The following SSC5D variants were observed in gnomAD, a reference collection of about 807,000 sequenced individuals.
SSC5D encodes the protein soluble scavenger receptor cysteine-rich domain-containing protein SSC5D.
SSC5D carries 106 observed loss-of-function variants against 104.6 expected under a neutral mutation model. That is an observed-to-expected ratio of 1.01 (90% CI 0.87 to 1.19). The LOEUF (loss-of-function observed/expected upper bound fraction) is 1.19. Ranked by LOEUF, SSC5D falls within the 50% of genes most tolerant of loss-of-function variation. SSC5D has a pLI of 0.00. For missense variants in SSC5D, 1,993 were observed against 2,153.8 expected (o/e 0.93, Z 1.48); for synonymous variants, 860 against 883.5 (o/e 0.97, Z 0.47).
intron 12 of SSC5D, among the ~76,000 whole-genome samples, chr19:55,501,766 G>A (rs576998985): frequency 1.3e-5 from 2 of 152,266 alleles, no homozygotes; most frequent in African/African-American, 2.4e-5. Context: ...ACCACGCCCC[G>A]CTTTGGCCCC....
At position 55,503,687 on chromosome 19, in the gene SSC5D, C is replaced by G. The variant is rs113346974; in HGVS notation, c.2785+2486C>G. On this transcript the variant is annotated intron_variant, in intron 12 of 13. Transcript: ENST00000389623. This position sits in a 1 kb window ranked among gnomAD's most constrained non-coding sequence, Gnocchi z 4.0. ...CGTCTTCTCCCTCCCTTCCACTCTC[C>G]CGCCCTGCTCGCCGTCTGGGGCTGC... Among the ~76,000 whole-genome samples, 29 of 152,350 alleles carry G rather than the reference C, an allele frequency of 1.9e-4. No homozygotes were observed. The highest frequency in any genetic ancestry group is 7.0e-4 in the African/African-American group (29 of 41,580).
Position 55,501,217 on chromosome 19 carries a change from G to A in SSC5D, c.2785+16G>A. The A allele has an allele frequency of 6.7e-7, 1 of 1,492,000 alleles. No individual in the cohort carries two copies. Among genetic ancestry groups the A allele is most frequent in the Non-Finnish European group, 8.9e-7 (1 of 1,123,208 alleles). The allele number at this position is 1,492,000 out of a possible 1,614,324, so 92.4% of individuals were successfully genotyped here. A position where few individuals can be genotyped will look rare whatever the true frequency, so the allele number is the denominator to read the frequency against. On this transcript the variant is annotated intron_variant, in intron 12 of 13. Transcript: ENST00000389623. The stretch of plus-strand genomic sequence containing the variant: ...CCGGACACAGGTGAGAGGCCTGATT[G>A]GGGTGGCCATGGAGGGCCTCCATAA...
At chr19:55,513,512 C>T (rs1173748987) in intron 13 of SSC5D, among the ~76,000 whole-genome samples, 4 of 151,850 alleles carry the variant, frequency 2.6e-5, no homozygotes, top group African/African-American at 7.3e-5. Context: ...CCTGGGTGCT[C>T]GAGGCTGTGG....
intron 12 of SSC5D, chr19:55,504,362 T>C (rs1486759837): frequency 7.3e-7 from 1 of 1,371,274 alleles, no homozygotes; most frequent in East Asian, 2.8e-5. Flanking sequence ...TGTGCCACCT[T>C]ATCAATAGGA....
At chr19:55,506,811 A>C (rs1987647028) in intron 12 of SSC5D, among the ~76,000 whole-genome samples, 1 of 152,122 alleles carries the variant, frequency 6.6e-6, no homozygotes. Flanking sequence ...TGTACTAACT[A>C]CTGGGAGGTA....
intron 6 of SSC5D, 39 bp downstream of exon 6, chr19:55,491,119 C>T: frequency 6.6e-7 from 1 of 1,522,442 alleles, no homozygotes; most frequent in Non-Finnish European, 8.8e-7. Context: ...CTGTCTTCCT[C>T]AGACCCCAGC....
At position 55,500,804 on chromosome 19, in the gene SSC5D, G is replaced by A; in HGVS notation, c.2617G>A (p.Gly873Ser). The A allele has an allele frequency of 1.3e-6, 2 of 1,546,416 alleles. No individual in the cohort carries two copies. Among genetic ancestry groups the A allele is most frequent in the Non-Finnish European group, 1.8e-6 (2 of 1,142,850 alleles). Reference sequence around the variant, plus strand: ...GGAAGACGTGGGGCTCACCTGCACTGGTACCAGGGCATGGCGGCGGTGGTG... The same window carrying A: ...GGAAGACGTGGGGCTCACCTGCACTAGTACCAGGGCATGGCGGCGGTGGTG... ...HEEDVGLTCT[G>S]YTDYDDYPPW... The change falls in exon 11 of 14, where the codon GGC becomes AGC. Residue 873 changes from glycine to serine, a missense_variant and splice_region_variant. This residue lies in a region of SSC5D where 423 missense variants were observed against 409.2 expected (regional missense o/e 1.03). Transcript: ENST00000389623. The surrounding 1 kb of genome is among the most constrained non-coding windows in gnomAD (Gnocchi z 4.6).
At position 55,493,638 on chromosome 19, in the gene SSC5D, C is replaced by T. The variant is rs773653667; in HGVS notation, c.939C>T (p.Cys313=). The change falls in exon 7 of 14, where the codon TGC becomes TGT. Residue 313 remains cysteine, a synonymous_variant. Coordinates refer to ENST00000389623, the MANE Select transcript of SSC5D (RefSeq NM_001144950.2). ...GCCTGGCCGATGGCCCCCACGGGTGCGCCGGCCGCCTGGAGGTCTGGCACG... is the reference window on the plus strand; with the variant it reads ...GCCTGGCCGATGGCCCCCACGGGTGTGCCGGCCGCCTGGAGGTCTGGCACG... ...RLRLADGPHG[C]AGRLEVWHGG... 49 of 1,492,736 alleles carry T rather than the reference C, an allele frequency of 3.3e-5. No homozygotes were observed. The highest frequency in any genetic ancestry group is 4.0e-5 in the Non-Finnish European group (45 of 1,130,372). The allele number at this position is 1,492,736 out of a possible 1,614,324, so 92.5% of individuals were successfully genotyped here. A position where few individuals can be genotyped will look rare whatever the true frequency, so the allele number is the denominator to read the frequency against.
rs1353167613 is a variant in SSC5D at position 55,498,163 on chromosome 19, C to T, written c.1671C>T (p.Cys557=). Residue 557 remains cysteine, a synonymous_variant, in exon 9 of 14, where the codon TGC becomes TGT. Coordinates refer to ENST00000389623, the MANE Select transcript of SSC5D (RefSeq NM_001144950.2). ...CTGCTCCCTGGGGAAAGCACAACTG[C>T]GCTCACAATGAGGATGTTGGGGTCA... ...CPAAPWGKHN[C]AHNEDVGVTC... is the part of the protein sequence containing the mutation. The T allele has an allele frequency of 1.4e-5, 21 of 1,551,584 alleles. No individual in the cohort carries two copies. Among genetic ancestry groups the T allele is most frequent in the Admixed American group, 5.9e-5 (3 of 50,974 alleles).
intron 12 of SSC5D, among the ~76,000 whole-genome samples, chr19:55,502,152 C>T (rs568673370): frequency 6.6e-6 from 1 of 152,232 alleles, no homozygotes; most frequent in East Asian, 1.9e-4. Flanking sequence ...TCCTGTCTCA[C>T]TCTCTCAAAG....
rs1599914339 is a variant in SSC5D, at chr19:55,493,627, C to A, written c.928C>A (p.Pro310Thr). The A allele has an allele frequency of 6.7e-7, 1 of 1,488,096 alleles. No homozygotes were observed. 92.2% of individuals were successfully genotyped at this position (1,488,096 alleles called of 1,614,324 possible). ...ACCTCGGCTGCGCCTGGCCGATGGC[C>A]CCCACGGGTGCGCCGGCCGCCTGGA... ...PAPRLRLADG[P>T]HGCAGRLEVW... The change falls in exon 7 of 14, where the codon CCC becomes ACC. Residue 310 changes from proline to threonine, a missense_variant. Pro to Thr is a conservative substitution (Grantham distance 38). This residue lies in a region of SSC5D where 1,101 missense variants were observed against 1,085.0 expected (regional missense o/e 1.01). Transcript: ENST00000389623.
chr19:55,506,394 T>C (rs1987636537), intron 12 of SSC5D, among the ~76,000 whole-genome samples: 1 of 112,624 alleles, frequency 8.9e-6, no homozygotes, highest in East Asian at 2.4e-4. Flanking sequence ...TTTTTTTTTT[T>C]TTTTTTTTTT....
chr19:55,490,861 G>A lies in SSC5D; in HGVS notation c.676G>A (p.Gly226Ser). Residue 226 changes from glycine to serine, a missense_variant, in exon 6 of 14, where the codon GGC becomes AGC. Physicochemically the swap from Gly to Ser is moderately conservative, Grantham distance 56 (BLOSUM62 0). Around this residue, in one of 6 missense-constraint regions of SSC5D, gnomAD observed 1,101 missense variants for 1,085.0 expected, o/e 1.01. Coordinates refer to ENST00000389623, the MANE Select transcript of SSC5D (RefSeq NM_001144950.2). ...GGRWGTVCDDGWDLRDAAVAC... is the reference protein window; with the variant it reads ...GGRWGTVCDDSWDLRDAAVAC... ...GCGCTGGGGCACCGTATGTGACGAT[G>A]GCTGGGACCTGCGCGACGCTGCTGT... is the stretch of plus-strand genomic sequence containing the variant. 1 of 1,547,270 alleles carries A rather than the reference G, an allele frequency of 6.5e-7. No homozygotes were observed. The highest frequency in any genetic ancestry group is 8.7e-7 in the Non-Finnish European group (1 of 1,145,368).
rs1457088506 is a variant in SSC5D, at chr19:55,489,966, C to T, written c.446C>T (p.Pro149Leu). Residue 149 changes from proline to leucine, a missense_variant, in exon 4 of 14, where the codon CCC (proline) becomes CTC (leucine). Transcript: ENST00000389623. ...PWPGLLLELS[P>L]STEEPLVTHA... The stretch of plus-strand genomic sequence containing the variant: ...CCAGGGCTGTTGCTGGAGCTGAGCC[C>T]CAGCACGGAGGAGCCCCTGGTGACA... 2 of 1,549,816 alleles carry T rather than the reference C, an allele frequency of 1.3e-6. No individual in the cohort carries two copies. The highest frequency in any genetic ancestry group is 2.0e-5 in the Admixed American group (1 of 50,950).
At chr19:55,493,978 C>CGG in intron 7 of SSC5D, 66 bp downstream of exon 7, 2 of 48,800 alleles carry the variant, frequency 4.1e-5, no homozygotes, top group South Asian at 4.2e-4. Flanking sequence ...GGGGCAAGTT[C>CGG]GGCGGGGGCG....
At chr19:55,504,151 C>G (rs187861899) in intron 12 of SSC5D, 1 of 1,535,670 alleles carries the variant, frequency 6.5e-7, no homozygotes, top group Non-Finnish European at 8.7e-7. Context: ...TGATGCTCCT[C>G]GTTCAAGGAC....
chr19:55,493,995 T>TGGGGGGGCCCCCCC, intron 7 of SSC5D, 83 bp downstream of exon 7: 1 of 206,968 alleles, frequency 4.8e-6, no homozygotes, highest in East Asian at 1.8e-4. Context: ...GGCGGGGGGG[T>TGGGGGGGCCCCCCC]CCCTACGCGC....
rs1398560372 is a variant in SSC5D, at chr19:55,490,910, G to C, written c.725G>C (p.Gly242Ala). 2.6e-6 allele frequency: 4 copies of C among 1,544,990 alleles called. No individual in the cohort carries two copies. The South Asian group carries it at 3.6e-5, about 14-fold the overall frequency. ...AAVACRELGCGGALAAPGGAR... is the reference protein window; with the variant it reads ...AAVACRELGCAGALAAPGGAR... ...GTAGCCTGCCGGGAACTGGGCTGTG[G>C]GGGGGCGCTGGCTGCCCCCGGCGGT... Residue 242 changes from glycine (G) to alanine (A), a missense_variant, in exon 6 of 14, where the codon GGG becomes GCG. Around this residue, in one of 6 missense-constraint regions of SSC5D, gnomAD observed 1,101 missense variants for 1,085.0 expected, o/e 1.01. Transcript: ENST00000389623.
At position 55,519,058 on chromosome 19, in the gene SSC5D, A is replaced by C. The variant is rs562760700; in HGVS notation, c.*60A>C. 257 of 1,490,748 alleles carry C rather than the reference A, an allele frequency of 1.7e-4. 1 individual carries two copies. The highest frequency in any genetic ancestry group is 5.6e-4 in the Admixed American group (22 of 39,632). The allele number at this position is 1,490,748 out of a possible 1,614,324, so 92.3% of individuals were successfully genotyped here. A position where few individuals can be genotyped will look rare whatever the true frequency, so the allele number is the denominator to read the frequency against. ...CAACCAAAAAAAACAAAAACAAAAA[A>C]AACCCCCAAAGTATCTAATTAAAAA... On this transcript the variant is annotated 3_prime_UTR_variant, in exon 14 of 14. Transcript: ENST00000389623.
Sources: allele counts gnomAD v4.1 joint callset (sites outside exome capture counted in the v4.1 genomes callset), GRCh38; gene constraint gnomAD v4.1.1; regional missense constraint gnomAD v4.1.1; non-coding constraint Gnocchi (gnomAD v3.1); transcripts MANE v1.5; gene names NCBI Gene and HGNC (gene_info 2026-07-23, HGNC 2026-07-21).